The following SNX24 variants were observed in gnomAD, a reference collection of about 807,000 sequenced individuals.
The protein encoded by SNX24 is sorting nexin-24.
In SNX24, 22 loss-of-function variants were observed where a neutral mutation model predicts 28.7. The observed-to-expected ratio is 0.77, with a 90% CI of 0.55 to 1.10. The LOEUF (loss-of-function observed/expected upper bound fraction) is 1.10, where lower values mean the gene tolerates loss of function less well. Ranked by LOEUF, SNX24 falls within the 50% of genes least tolerant of loss-of-function variation. The pLI is 0.00. For synonymous variants in SNX24, 69 were observed against 71.5 expected, an observed-to-expected ratio of 0.96 and a Z score of 0.18; for missense variants, 221 against 201.1, an observed-to-expected ratio of 1.10 and a Z score of -0.60.
chr5:123,027,491 A>G (rs1218072591), intron 5 of SNX24, among the ~76,000 whole-genome samples: 1 of 152,196 alleles, frequency 6.6e-6, no homozygotes, highest in Non-Finnish European at 1.5e-5. Context: ...CACCGAGGGC[A>G]CGGGCACCAG....
chr5:122,962,579 A>G (rs1016408937), intron 3 of SNX24, among the ~76,000 whole-genome samples: 8 of 152,258 alleles, frequency 5.3e-5, no homozygotes, highest in African/African-American at 1.9e-4. Flanking sequence ...CATCTTGGGT[A>G]GACAAGCCTG....
intron 1 of SNX24, among the ~76,000 whole-genome samples, chr5:122,877,282 C>G (rs1756267998): frequency 6.6e-6 from 1 of 152,120 alleles, no homozygotes; most frequent in Non-Finnish European, 1.5e-5. Context: ...AACTCTGAAA[C>G]TCAATAACTG....
intron 5 of SNX24, among the ~76,000 whole-genome samples, chr5:123,015,697 C>T (rs1762667375): frequency 6.6e-6 from 1 of 152,062 alleles, no homozygotes; most frequent in African/African-American, 2.4e-5. Flanking sequence ...AACCACAGTC[C>T]TAGGGCACTT....
At chr5:122,851,465 A>G in intron 1 of SNX24, among the ~76,000 whole-genome samples, 2 of 152,248 alleles carry the variant, frequency 1.3e-5, no homozygotes, top group Middle Eastern at 6.8e-3. Context: ...CCACACCCAG[A>G]CTTAGACTTC....
intron 1 of SNX24, among the ~76,000 whole-genome samples, chr5:122,860,334 A>C (rs1223201382): frequency 6.6e-6 from 1 of 151,044 alleles, no homozygotes; most frequent in Admixed American, 6.6e-5. Context: ...AAAAAAAATC[A>C]GAGTTTAGTC....
At chr5:122,997,451 G>A (rs1202229111) in intron 3 of SNX24, among the ~76,000 whole-genome samples, 4 of 152,144 alleles carry the variant, frequency 2.6e-5, no homozygotes, top group Non-Finnish European at 4.4e-5. Context: ...CTCTGTTTGG[G>A]GAAGCTGAGC....
At chr5:122,953,120 T>C (rs1760037121) in intron 3 of SNX24, among the ~76,000 whole-genome samples, 1 of 152,094 alleles carries the variant, frequency 6.6e-6, no homozygotes, top group African/African-American at 2.4e-5. Context: ...CTTTTTTTTT[T>C]TGGAAACAGA....
chr5:123,006,871 A>AT (rs1043372450), intron 6 of SNX24, among the ~76,000 whole-genome samples: 10 of 151,990 alleles, frequency 6.6e-5, no homozygotes, highest in South Asian at 4.2e-4. Flanking sequence ...CTAGATGCAT[A>AT]TTTTTTTTCT....
chr5:122,901,968 T>G (rs1757466428), intron 1 of SNX24, among the ~76,000 whole-genome samples: 1 of 152,264 alleles, frequency 6.6e-6, no homozygotes, highest in African/African-American at 2.4e-5. Flanking sequence ...AATATTCTTT[T>G]GTCTTATATA....
At chr5:123,028,499 T>A (rs1762895796) in intron 5 of SNX24, 2 of 341,760 alleles carry the variant, frequency 5.9e-6, no homozygotes, top group Non-Finnish European at 1.0e-5. Flanking sequence ...GGCTACTGAC[T>A]AGTAGTCTGG....
At chr5:122,879,914 C>T (rs1228020709) in intron 1 of SNX24, among the ~76,000 whole-genome samples, 1 of 152,152 alleles carries the variant, frequency 6.6e-6, no homozygotes, top group Non-Finnish European at 1.5e-5. Context: ...CAATACTTGA[C>T]CCACAGTTAA....
At chr5:123,007,562 A>C in intron 6 of SNX24, 120 bp from the exon 7 acceptor site, 3 of 914,984 alleles carry the variant, frequency 3.3e-6, no homozygotes, top group Non-Finnish European at 4.9e-6. Flanking sequence ...CTGGCGATGC[A>C]GATTCCTGTG....
chr5:122,892,389 C>T (rs894272400), intron 1 of SNX24, among the ~76,000 whole-genome samples: 1 of 151,948 alleles, frequency 6.6e-6, no homozygotes, highest in Admixed American at 6.6e-5. Context: ...TTGATAGTTG[C>T]AAAATGCTGC....
chr5:123,010,880 A>G (rs1031109406), downstream of SNX24, among the ~76,000 whole-genome samples: 1 of 151,914 alleles, frequency 6.6e-6, no homozygotes, highest in Non-Finnish European at 1.5e-5. Flanking sequence ...TATCTTGGCA[A>G]TCTTTCTGTA....
chr5:122,892,974 C>T (rs566519693), intron 1 of SNX24, among the ~76,000 whole-genome samples: 7 of 151,744 alleles, frequency 4.6e-5, no homozygotes, highest in Admixed American at 2.0e-4. Context: ...CCATGTTTGC[C>T]AGGCTGGTTT....
chr5:122,974,986 C>T (rs180977362), intron 3 of SNX24, among the ~76,000 whole-genome samples: 100 of 152,238 alleles, frequency 6.6e-4, no homozygotes, highest in Non-Finnish European at 1.2e-3. Flanking sequence ...ACCTAAAACT[C>T]CATTAATTAC....
chr5:122,915,379 A>C (rs894906805), intron 1 of SNX24, among the ~76,000 whole-genome samples: 2 of 152,166 alleles, frequency 1.3e-5, no homozygotes, highest in Admixed American at 1.3e-4. Context: ...TAAGCCCAGC[A>C]ACTTGGGAGG....
intron 3 of SNX24, among the ~76,000 whole-genome samples, chr5:122,990,648 C>T (rs1436856983): frequency 6.6e-6 from 1 of 152,158 alleles, no homozygotes; most frequent in East Asian, 1.9e-4. Flanking sequence ...TATTAAAAAC[C>T]AGTCTCCTAA....
At chr5:122,888,779 C>A (rs980123757) in intron 1 of SNX24, among the ~76,000 whole-genome samples, 2 of 152,152 alleles carry the variant, frequency 1.3e-5, no homozygotes, top group African/African-American at 4.8e-5. Context: ...CCCATTACAC[C>A]ACAGGAAATG....
Sources: gnomAD v4.1 joint callset for allele counts (sites outside exome capture counted in the v4.1 genomes callset) on GRCh38, gnomAD v4.1.1 for gene constraint, MANE v1.5 for transcripts, NCBI Gene and HGNC (gene_info 2026-07-23, HGNC 2026-07-21) for gene names.